LRRIQ3: variants seen among roughly 807,000 people sequenced by gnomAD.
LRRIQ3 encodes leucine-rich repeat and IQ domain-containing protein 3.
In LRRIQ3, 75 loss-of-function variants were observed where a neutral mutation model predicts 59.3. The ratio of observed to expected loss-of-function variants is 1.26; its 90% CI spans 1.05 to 1.53. LRRIQ3 has a LOEUF of 1.53. Among genes scored for constraint, LRRIQ3 ranks in the 40% most tolerant of loss-of-function variants. The pLI, the probability that LRRIQ3 is intolerant of heterozygous loss-of-function variation, is 0.00. For missense variants in LRRIQ3, 831 were observed against 710.0 expected (o/e 1.17, Z -1.94); for synonymous variants, 250 against 231.3 (o/e 1.08, Z -0.73).
chr1:74,041,113 T>C, intron 7 of LRRIQ3, 100 bp downstream of exon 7: 1 of 954,012 alleles, frequency 1.0e-6, no homozygotes, highest in Non-Finnish European at 1.6e-6. Context: ...GAATGTACTA[T>C]GTTACAAACA....
At chr1:74,073,024 G>A (rs190477339) in intron 6 of LRRIQ3, among the ~76,000 whole-genome samples, 5 of 152,090 alleles carry the variant, frequency 3.3e-5, no homozygotes, top group Admixed American at 3.3e-4. Context: ...AGATTATTGA[G>A]AGCATAAAAA....
rs562279133 is a variant in LRRIQ3, at chr1:74,079,087, T to C, written c.868-4297A>G. ...TCTGGTCAATCACAAATGCCTCTTA[T>C]TGGACTCTGCCTTCACCATGGCTTT... On this transcript the variant is annotated intron_variant, in intron 5 of 7. Coordinates refer to ENST00000354431, the MANE Select transcript of LRRIQ3 (RefSeq NM_001105659.2). 1.5e-4 allele frequency among the ~76,000 whole-genome samples: 23 copies of C among 151,976 alleles called. No individual in the cohort carries two copies. The South Asian group carries it at 2.7e-3, about 18-fold the overall frequency.
Position 74,026,507 on chromosome 1 carries a change from TAGAA to T in LRRIQ3, c.*302_*305del. 1 of 192,180 alleles carries T rather than the reference TAGAA, an allele frequency of 5.2e-6. No individual in the cohort carries two copies. Among genetic ancestry groups the T allele is most frequent in the Non-Finnish European group, 1.1e-5 (1 of 94,886 alleles). The allele number at this position is 192,180 out of a possible 1,614,324, so 11.9% of individuals were successfully genotyped here. ...AAATTAGCTTATGAATTGCTATATT[TAGAA>T]AGAATATGAAACAGAATATCAGCAA... On this transcript the variant is annotated 3_prime_UTR_variant, in exon 8 of 8. Coordinates refer to ENST00000354431, the MANE Select transcript of LRRIQ3 (RefSeq NM_001105659.2).
intron 4 of LRRIQ3, among the ~76,000 whole-genome samples, chr1:74,120,890 C>T (rs1296093189): frequency 6.6e-6 from 1 of 151,986 alleles, no homozygotes; most frequent in Non-Finnish European, 1.5e-5. Flanking sequence ...GTGGACTAAA[C>T]TTTACTTGGT....
At chr1:74,044,776 G>A (rs545386133) in intron 6 of LRRIQ3, among the ~76,000 whole-genome samples, 2 of 152,136 alleles carry the variant, frequency 1.3e-5, no homozygotes, top group South Asian at 4.2e-4. Flanking sequence ...TGATAAAGGG[G>A]ATATCACCAC....
intron 5 of LRRIQ3, among the ~76,000 whole-genome samples, chr1:74,103,350 A>T (rs538402476): frequency 6.6e-6 from 1 of 151,988 alleles, no homozygotes; most frequent in African/African-American, 2.4e-5. Flanking sequence ...AATATTCAGT[A>T]AATATCTATT....
At chr1:74,034,982 A>G (rs1218465736) in intron 7 of LRRIQ3, among the ~76,000 whole-genome samples, 1 of 152,028 alleles carries the variant, frequency 6.6e-6, no homozygotes, top group Non-Finnish European at 1.5e-5. Context: ...ACCAGTTTCA[A>G]TCTAATATCA....
intron 5 of LRRIQ3, among the ~76,000 whole-genome samples, chr1:74,086,513 C>T (rs1214834623): frequency 6.6e-6 from 1 of 152,096 alleles, no homozygotes. Flanking sequence ...ACCATTCTGT[C>T]TCCTGTACTG....
At chr1:74,172,884 G>A (rs1413813957) in intron 3 of LRRIQ3, among the ~76,000 whole-genome samples, 8 of 151,842 alleles carry the variant, frequency 5.3e-5, no homozygotes, top group Non-Finnish European at 8.8e-5. Flanking sequence ...GACACTCCTG[G>A]TATCCTTTGG....
At chr1:74,136,516 T>G (rs1647126743) in intron 4 of LRRIQ3, among the ~76,000 whole-genome samples, 1 of 151,898 alleles carries the variant, frequency 6.6e-6, no homozygotes, top group African/African-American at 2.4e-5. Flanking sequence ...TAAAGTATTG[T>G]TCAAGAATCC....
intron 6 of LRRIQ3, among the ~76,000 whole-genome samples, chr1:74,050,254 A>G (rs571170667): frequency 1.6e-3 from 241 of 152,250 alleles, no homozygotes; most frequent in Non-Finnish European, 3.0e-3. Context: ...ACCAGATAAT[A>G]CTTGAAGTAC....
chr1:74,102,336 A>T (rs1479744406), intron 5 of LRRIQ3, among the ~76,000 whole-genome samples: 5 of 152,004 alleles, frequency 3.3e-5, no homozygotes, highest in Non-Finnish European at 7.4e-5. Context: ...CATTTCTTCA[A>T]AGAAGACACA....
chr1:74,179,469 T>C (rs1281826679), intron 3 of LRRIQ3, among the ~76,000 whole-genome samples: 1 of 152,044 alleles, frequency 6.6e-6, no homozygotes, highest in Non-Finnish European at 1.5e-5. Context: ...ATACCAATTA[T>C]ATAAAATAAT....
intron 7 of LRRIQ3, among the ~76,000 whole-genome samples, chr1:74,031,544 T>C (rs535225725): frequency 1.1e-4 from 16 of 144,272 alleles, no homozygotes; most frequent in East Asian, 2.1e-4. Flanking sequence ...TTCTCACTCA[T>C]AGGTGGGAAT....
intron 4 of LRRIQ3, among the ~76,000 whole-genome samples, chr1:74,153,979 C>T (rs970857004): frequency 5.3e-5 from 8 of 151,992 alleles, no homozygotes; most frequent in Non-Finnish European, 8.8e-5. Context: ...CGGTAGTTCA[C>T]GCTTGTAATC....
intron 5 of LRRIQ3, among the ~76,000 whole-genome samples, chr1:74,101,201 C>A (rs1646526493): frequency 6.6e-6 from 1 of 151,238 alleles, no homozygotes; most frequent in Non-Finnish European, 1.5e-5. Context: ...AGCACTCAAA[C>A]AAACTTACAA....
intron 6 of LRRIQ3, among the ~76,000 whole-genome samples, chr1:74,054,327 G>C (rs755642602): frequency 9.9e-5 from 15 of 152,102 alleles, no homozygotes; most frequent in Non-Finnish European, 2.2e-4. Flanking sequence ...TGTGTGAACA[G>C]GTAAACCTGT....
chr1:74,176,337 T>A (rs993089512), intron 3 of LRRIQ3, among the ~76,000 whole-genome samples: 1 of 152,172 alleles, frequency 6.6e-6, no homozygotes, highest in Non-Finnish European at 1.5e-5. Flanking sequence ...GTCACTCTCA[T>A]TGTTTTTCAC....
intron 5 of LRRIQ3, among the ~76,000 whole-genome samples, chr1:74,086,893 C>T (rs1442684833): frequency 6.6e-6 from 1 of 152,022 alleles, no homozygotes; most frequent in Non-Finnish European, 1.5e-5. Flanking sequence ...TTTATCTAGG[C>T]TCTAGGAAGT....
Sources: gnomAD v4.1 joint callset for allele counts (sites outside exome capture counted in the v4.1 genomes callset) on GRCh38, gnomAD v4.1.1 for gene constraint, MANE v1.5 for transcripts, NCBI Gene and HGNC (gene_info 2026-07-23, HGNC 2026-07-21) for gene names.